The following TCF25 variants were observed in gnomAD, a reference collection of about 807,000 sequenced individuals.
TCF25 encodes the protein TCF25 ribosome quality control complex subunit.
TCF25 carries 41 observed loss-of-function variants against 83.1 expected under a neutral mutation model. That is an observed-to-expected ratio of 0.49 (90% confidence interval 0.38 to 0.64). The LOEUF (loss-of-function observed/expected upper bound fraction) is 0.64, where lower values mean the gene tolerates loss of function less well. TCF25 is among the 30% of genes least tolerant of loss of function. The probability of loss-of-function intolerance (pLI) is 0.00; values close to 1 mark genes in which losing one functional copy is unlikely to be tolerated. For missense variants in TCF25, 979 were observed against 914.5 expected, an observed-to-expected ratio of 1.07 and a Z score of -0.91; for synonymous variants, 458 against 365.0, an observed-to-expected ratio of 1.25 and a Z score of -2.90.
intron 1 of TCF25, among the ~76,000 whole-genome samples, chr16:89,882,404 A>G (rs1368640009): frequency 6.6e-6 from 1 of 151,548 alleles, no homozygotes; most frequent in Non-Finnish European, 1.5e-5. Context: ...CAGGCATGGT[A>G]GCTCACGCCT....
Position 89,896,044 on chromosome 16 carries a change from G to T in TCF25, c.983G>T (p.Ser328Ile). 6.2e-7 allele frequency: 1 copy of T among 1,613,918 alleles called. No individual in the cohort carries two copies. The highest frequency in any genetic ancestry group is 1.1e-5 in the South Asian group (1 of 91,080). ...TTCCACCCCCTGTTCAGTCTCACCA[G>T]TGGGGCCTGCCGGCTGGATTACCGC... Reference protein sequence around the residue: ...CAFHPLFSLTSGACRLDYRRP... With the variant: ...CAFHPLFSLTIGACRLDYRRP... Residue 328 changes from serine (S) to isoleucine (I), a missense_variant, in exon 9 of 18, where the codon AGT becomes ATT. By Grantham distance (142) the Ser-to-Ile change is moderately radical (BLOSUM62 -2). Coordinates refer to ENST00000263346, the MANE Select transcript of TCF25 (RefSeq NM_014972.3).
chr16:89,907,673 CCACCTCCCACCTCCCTCCTTT>C (rs2045012756), intron 16 of TCF25, among the ~76,000 whole-genome samples: 2 of 107,854 alleles, frequency 1.9e-5, no homozygotes, highest in Non-Finnish European at 1.8e-5. Flanking sequence ...CTCCCTCCTC[CCACCTCCCACCTCCCTCCTTT>C]CACCTCCCAC....
intron 1 of TCF25, chr16:89,874,910 G>A (rs1332296980): frequency 1.3e-5 from 2 of 152,142 alleles, no homozygotes; most frequent in Admixed American, 1.3e-4. Flanking sequence ...CACCATGCTT[G>A]GTTGACTGCC....
At chr16:89,884,991 G>C (rs377514641) in intron 3 of TCF25, among the ~76,000 whole-genome samples, 46 of 40,984 alleles carry the variant, frequency 1.1e-3, no homozygotes, top group East Asian at 2.6e-3. Flanking sequence ...CGCCCTCTCC[G>C]TCTGCCTGAC....
chr16:89,886,886 G>A (rs997660911), intron 4 of TCF25, among the ~76,000 whole-genome samples: 6 of 151,442 alleles, frequency 4.0e-5, no homozygotes, highest in East Asian at 2.0e-4. Flanking sequence ...GCAGTGAGCC[G>A]AGATCGAGAT....
At chr16:89,879,327 G>A (rs900234442) in intron 1 of TCF25, among the ~76,000 whole-genome samples, 6 of 147,108 alleles carry the variant, frequency 4.1e-5, no homozygotes, top group Non-Finnish European at 7.4e-5. Flanking sequence ...CGTGCTGTTC[G>A]TGTACACAGA....
intron 3 of TCF25, among the ~76,000 whole-genome samples, chr16:89,885,092 C>CTCTGCCTGACGCCCTCTCCG (rs2042903381): frequency 7.0e-6 from 1 of 143,246 alleles, no homozygotes; most frequent in African/African-American, 2.6e-5. Flanking sequence ...CGCCCTCTCC[C>CTCTGCCTGACGCCCTCTCCG]TCTGCCTGAC....
chr16:89,881,842 C>T (rs931127268), intron 1 of TCF25, among the ~76,000 whole-genome samples: 3 of 152,154 alleles, frequency 2.0e-5, no homozygotes, highest in Non-Finnish European at 4.4e-5. Flanking sequence ...GCAACCTCTG[C>T]CTCCCGGATT....
chr16:89,905,978 C>T (rs2044742986), intron 14 of TCF25, among the ~76,000 whole-genome samples: 1 of 152,134 alleles, frequency 6.6e-6, no homozygotes, highest in Non-Finnish European at 1.5e-5. Flanking sequence ...GAGTCACTGG[C>T]CATGTGGCTG....
At chr16:89,908,840 G>GCAGCTCC (rs1175315566) in intron 16 of TCF25, 12 of 791,638 alleles carry the variant, frequency 1.5e-5, no homozygotes, top group East Asian at 8.9e-5. Context: ...CTCCCACCTC[G>GCAGCTCC]CAGCTCCCAG....
intron 16 of TCF25, chr16:89,909,104 G>A: frequency 1.6e-6 from 2 of 1,289,440 alleles, no homozygotes; most frequent in South Asian, 2.5e-5. Context: ...CACAGTGGAA[G>A]CAGGTGTGCA....
intron 12 of TCF25, chr16:89,901,051 A>G: frequency 2.6e-6 from 1 of 383,228 alleles, no homozygotes; most frequent in Non-Finnish European, 4.9e-6. Flanking sequence ...TAGAGTGCAG[A>G]GACAGAACTG....
intron 16 of TCF25, chr16:89,908,920 T>A (rs2045311159): frequency 1.6e-6 from 2 of 1,287,232 alleles, no homozygotes; most frequent in Non-Finnish European, 2.0e-6. Context: ...CAGACCCAGA[T>A]GCTGAGAGAT....
intron 1 of TCF25, among the ~76,000 whole-genome samples, chr16:89,876,603 C>T (rs2042208941): frequency 6.6e-6 from 1 of 152,154 alleles, no homozygotes; most frequent in East Asian, 1.9e-4. Flanking sequence ...GCAGCCTGGC[C>T]AACATGGTGA....
At chr16:89,898,491 G>T (rs2044060326) in intron 9 of TCF25, 66 bp from the exon 10 acceptor site, 9 of 1,540,854 alleles carry the variant, frequency 5.8e-6, no homozygotes, top group Non-Finnish European at 8.0e-6. Context: ...GTGCTGGCCG[G>T]GGCGCTGAGC....
At position 89,883,453 on chromosome 16, in the gene TCF25, C is replaced by CTCT; in HGVS notation, c.295_296insTCT (p.Arg99delinsLeuCys). 3 of 1,613,894 alleles carry CTCT rather than the reference C, an allele frequency of 1.9e-6. No individual in the cohort carries two copies. Among genetic ancestry groups the CTCT allele is most frequent in the Non-Finnish European group, 2.5e-6 (3 of 1,179,986 alleles). ...ACCAGGGAACAAAGGAAGGGGTCAGCGTGGAAACACAGAGAGCAAGACGGA... is the reference window on the plus strand; with the variant it reads ...ACCAGGGAACAAAGGAAGGGGTCAGCTCTGTGGAAACACAGAGAGCAAGACGGA... On this transcript the variant is annotated protein_altering_variant, in exon 2 of 18. Coordinates refer to ENST00000263346, the MANE Select transcript of TCF25 (RefSeq NM_014972.3).
In TCF25 at chr16:89,911,136, C is replaced by T. The variant is rs1386615575; in HGVS notation, c.1929C>T (p.Asn643=). The T allele has an allele frequency of 1.2e-6, 2 of 1,611,882 alleles. No homozygotes were observed. The highest frequency in any genetic ancestry group is 1.7e-5 in the Admixed American group (1 of 59,994). Residue 643 remains asparagine (N), a synonymous_variant, in exon 18 of 18, where the codon AAC becomes AAT. Transcript: ENST00000263346. ...AGGLNRNQGL[N]RLMLAVRDMM... ...GTCTGAACCGCAACCAGGGCCTGAACAGGCTGATGCTGGCTGTGCGCGACA... is the reference window on the plus strand; with the variant it reads ...GTCTGAACCGCAACCAGGGCCTGAATAGGCTGATGCTGGCTGTGCGCGACA...
At chr16:89,908,622 C>A in intron 16 of TCF25, among the ~76,000 whole-genome samples, 1 of 121,358 alleles carries the variant, frequency 8.2e-6, no homozygotes, top group South Asian at 2.6e-4. Flanking sequence ...GCTCCCACCT[C>A]CCAGCTCCCA....
chr16:89,911,139 G>T lies in TCF25; in HGVS notation c.1932G>T (p.Arg644Ser). The change falls in exon 18 of 18, where the codon AGG becomes AGT. Residue 644 changes from arginine to serine, a missense_variant. Physicochemically the swap from Arg to Ser is moderately radical, Grantham distance 110 (BLOSUM62 -1). Transcript: ENST00000263346. ...TGAACCGCAACCAGGGCCTGAACAG[G>T]CTGATGCTGGCTGTGCGCGACATGA... Reference protein sequence around the residue: ...GGLNRNQGLNRLMLAVRDMMA... With the variant: ...GGLNRNQGLNSLMLAVRDMMA... 6.2e-7 allele frequency: 1 copy of T among 1,612,054 alleles called. No individual in the cohort carries two copies. The highest frequency in any genetic ancestry group is 1.1e-5 in the South Asian group (1 of 91,036).
Sources: gnomAD v4.1 joint callset for allele counts (sites outside exome capture counted in the v4.1 genomes callset) on GRCh38, gnomAD v4.1.1 for gene constraint, MANE v1.5 for transcripts, NCBI Gene and HGNC (gene_info 2026-07-23, HGNC 2026-07-21) for gene names.